Variants in GNAQ observed in about 807,000 individuals in gnomAD.
The protein encoded by GNAQ is G protein subunit alpha q.
In GNAQ, 8 loss-of-function variants were observed where a neutral mutation model predicts 43.9. That is an observed-to-expected ratio of 0.18 (90% CI 0.11 to 0.33). GNAQ has a LOEUF of 0.33. Among genes scored for constraint, GNAQ ranks in the 10% least tolerant of loss-of-function variants. The probability of loss-of-function intolerance (pLI) is 1.00; values close to 1 mark genes in which losing one functional copy is unlikely to be tolerated. For missense variants in GNAQ, 158 were observed against 450.8 expected (o/e 0.35, Z 5.88); for synonymous variants, 155 against 170.7 (o/e 0.91, Z 0.71).
chr9:77,780,698 C>T (rs1407799028), intron 5 of GNAQ, among the ~76,000 whole-genome samples: 1 of 152,016 alleles, frequency 6.6e-6, no homozygotes, highest in African/African-American at 2.4e-5. Context: ...CTGTTCTCCA[C>T]AGCAGCTATA....
intron 5 of GNAQ, among the ~76,000 whole-genome samples, chr9:77,753,524 G>C (rs1825850631): frequency 6.6e-6 from 1 of 152,162 alleles, no homozygotes; most frequent in South Asian, 2.1e-4. Context: ...CTTCTTTTTA[G>C]TTAGTGAACG....
rs1403692585 is a variant in GNAQ, at chr9:77,872,084, G to A, written c.321+50077C>T. Among the ~76,000 whole-genome samples, 3 of 152,224 alleles carry A rather than the reference G, an allele frequency of 2.0e-5. No homozygotes were observed. The East Asian group carries it at 5.8e-4, about 29-fold the overall frequency. ...ATCCAAAATTTCCTGAATGGCAAAT[G>A]CTATCATTTGTTTGTTGAATTCTTA... is the stretch of plus-strand genomic sequence containing the variant. On this transcript the variant is annotated intron_variant, in intron 2 of 6. Coordinates refer to ENST00000286548, the MANE Select transcript of GNAQ (RefSeq NM_002072.5).
chr9:77,941,276 G>A (rs1829311731), intron 1 of GNAQ, among the ~76,000 whole-genome samples: 1 of 150,778 alleles, frequency 6.6e-6, no homozygotes, highest in African/African-American at 2.4e-5. Flanking sequence ...TTGAGACAGA[G>A]TCTCGCTCTG....
intron 5 of GNAQ, among the ~76,000 whole-genome samples, chr9:77,769,390 C>T (rs1826184495): frequency 6.8e-6 from 1 of 147,504 alleles, no homozygotes; most frequent in Non-Finnish European, 1.5e-5. Context: ...GGTGACAGCA[C>T]AAGACTACCT....
chr9:77,755,892 G>A (rs1201296461), intron 5 of GNAQ, among the ~76,000 whole-genome samples: 2 of 152,176 alleles, frequency 1.3e-5, no homozygotes, highest in African/African-American at 4.8e-5. Context: ...GCAAAGTACT[G>A]TTCTTGGGTG....
At chr9:78,009,859 A>C (rs1823752963) in intron 1 of GNAQ, among the ~76,000 whole-genome samples, 1 of 152,212 alleles carries the variant, frequency 6.6e-6, no homozygotes. Context: ...GGGAAAAGGA[A>C]AAATGCAGAA....
intron 6 of GNAQ, among the ~76,000 whole-genome samples, chr9:77,722,820 T>C (rs990973635): frequency 9.2e-5 from 14 of 152,102 alleles, no homozygotes; most frequent in Non-Finnish European, 5.9e-5. Context: ...GCCTGGCTAA[T>C]TTTTAAACTT....
chr9:77,875,746 A>G (rs751133763), intron 2 of GNAQ, among the ~76,000 whole-genome samples: 10 of 152,266 alleles, frequency 6.6e-5, no homozygotes, highest in Non-Finnish European at 1.0e-4. Flanking sequence ...AGTCAGTGAC[A>G]TAACAAGAAG....
chr9:77,735,273 ATTACT>A (rs1015626993), intron 5 of GNAQ, among the ~76,000 whole-genome samples: 2 of 152,320 alleles, frequency 1.3e-5, no homozygotes, highest in South Asian at 2.1e-4. Context: ...CACCTTACAG[ATTACT>A]TTATTAAAGG....
intron 3 of GNAQ, among the ~76,000 whole-genome samples, chr9:77,810,257 T>C (rs1826899755): frequency 6.7e-6 from 1 of 149,028 alleles, no homozygotes; most frequent in Non-Finnish European, 1.5e-5. Flanking sequence ...TATCTATCTA[T>C]CTATCTATCT....
intron 1 of GNAQ, among the ~76,000 whole-genome samples, chr9:77,956,246 G>C (rs527930477): frequency 2.6e-5 from 4 of 152,142 alleles, no homozygotes; most frequent in African/African-American, 4.8e-5. Flanking sequence ...ACACTAATTA[G>C]ACCCCAAAAT....
chr9:77,969,961 G>A (rs1051738152), intron 1 of GNAQ, among the ~76,000 whole-genome samples: 1 of 152,194 alleles, frequency 6.6e-6, no homozygotes, highest in Non-Finnish European at 1.5e-5. Flanking sequence ...GCTTATGCCT[G>A]TAATCCCAGC....
At position 77,817,876 on chromosome 9, in the gene GNAQ, C is replaced by T. The variant is rs541989614; in HGVS notation, c.322-2106G>A. ...CAGAGAGAAGGTGGGATTTAGCTGG[C>T]GGGTGAAGATGAAGATGAATGATCC... On this transcript the variant is annotated intron_variant, in intron 2 of 6. Transcript: ENST00000286548. Among the ~76,000 whole-genome samples, 30 of 152,054 alleles carry T rather than the reference C, an allele frequency of 2.0e-4. No homozygotes were observed. In the East Asian group the frequency reaches 3.1e-3, roughly 16 times the overall value.
chr9:78,020,762 G>A (rs558840322), intron 1 of GNAQ, among the ~76,000 whole-genome samples: 1 of 152,110 alleles, frequency 6.6e-6, no homozygotes, highest in Non-Finnish European at 1.5e-5. Context: ...AGCCCCACGG[G>A]ACTCCCTATT....
chr9:77,921,286 G>A (rs1828992836), intron 2 of GNAQ, among the ~76,000 whole-genome samples: 1 of 152,192 alleles, frequency 6.6e-6, no homozygotes. Context: ...CTTCCCTTGG[G>A]CTGGTAGCCT....
At chr9:77,881,865 TG>T (rs1261811327) in intron 2 of GNAQ, among the ~76,000 whole-genome samples, 2 of 152,200 alleles carry the variant, frequency 1.3e-5, no homozygotes, top group African/African-American at 4.8e-5. Flanking sequence ...GGGCCGGGCA[TG>T]GTGGCCTACG....
At chr9:77,930,942 T>C (rs1178852777) in intron 1 of GNAQ, among the ~76,000 whole-genome samples, 3 of 151,946 alleles carry the variant, frequency 2.0e-5, no homozygotes, top group African/African-American at 7.3e-5. Context: ...TAGATTCTCA[T>C]AGAAGCATGA....
At chr9:77,992,153 C>T (rs1338844595) in intron 1 of GNAQ, among the ~76,000 whole-genome samples, 1 of 152,180 alleles carries the variant, frequency 6.6e-6, no homozygotes, top group Non-Finnish European at 1.5e-5. Flanking sequence ...TACTGTTTTC[C>T]ATAGTGGTTG....
intron 5 of GNAQ, among the ~76,000 whole-genome samples, chr9:77,732,361 G>T (rs1393051187): frequency 1.8e-4 from 27 of 151,676 alleles, no homozygotes; most frequent in Admixed American, 1.8e-3. Flanking sequence ...ACTAGTAAAG[G>T]TCCCCCTCCC....
Sources: gnomAD v4.1 joint callset for allele counts (sites outside exome capture counted in the v4.1 genomes callset) on GRCh38, gnomAD v4.1.1 for gene constraint, MANE v1.5 for transcripts, NCBI Gene and HGNC (gene_info 2026-07-23, HGNC 2026-07-21) for gene names.